ANKRD44: variants seen among roughly 807,000 people sequenced by gnomAD.
The protein encoded by ANKRD44 is serine/threonine-protein phosphatase 6 regulatory ankyrin repeat subunit B.
In ANKRD44, 35 loss-of-function variants were observed where a neutral mutation model predicts 116.0. That is an observed-to-expected ratio of 0.30 (90% confidence interval 0.23 to 0.40). The LOEUF is 0.40. Ranked by LOEUF, ANKRD44 falls within the 10% of genes least tolerant of loss-of-function variation. The probability of loss-of-function intolerance (pLI) is 1.00; values close to 1 mark genes in which losing one functional copy is unlikely to be tolerated. For synonymous variants in ANKRD44, 435 were observed against 461.8 expected (o/e 0.94, Z 0.74); for missense variants, 1,014 against 1,242.6 (o/e 0.82, Z 2.77).
rs1439911891 is a variant in ANKRD44, at chr2:197,158,493, G to A, written c.112-11388C>T. On this transcript the variant is annotated intron_variant, in intron 2 of 27. Transcript: ENST00000282272. ...TTAAACAAACATAGATTAATGAGAG[G>A]CAGATAACTAAAAGAATAACATAAT... Among the ~76,000 whole-genome samples the A allele has an allele frequency of 2.6e-5, 4 of 152,118 alleles. No homozygotes were observed. The East Asian group carries it at 7.7e-4, about 29-fold the overall frequency.
Position 196,987,866 on chromosome 2 carries a change from G to A in ANKRD44, c.*1725C>T. 1 of 981,904 alleles carries A rather than the reference G, an allele frequency of 1.0e-6. No individual in the cohort carries two copies. Among genetic ancestry groups the A allele is most frequent in the Non-Finnish European group, 1.2e-6 (1 of 826,870 alleles). The allele number at this position is 981,904 out of a possible 1,614,324, so 60.8% of individuals were successfully genotyped here. A position where few individuals can be genotyped will look rare whatever the true frequency, so the allele number is the denominator to read the frequency against. ...TTTTTTTTTCTTAGAAAGCTATGGT[G>A]CAAACATAATTTTATTTCTAAGAGA... On this transcript the variant is annotated 3_prime_UTR_variant, in exon 28 of 28. Transcript: ENST00000282272.
intron 2 of ANKRD44, among the ~76,000 whole-genome samples, chr2:197,150,959 C>T (rs2079631424): frequency 6.6e-6 from 1 of 152,120 alleles, no homozygotes; most frequent in Non-Finnish European, 1.5e-5. Flanking sequence ...CAAAGAGATG[C>T]CTTGTCCCGG....
At chr2:197,259,980 T>C (rs1275664329) in intron 1 of ANKRD44, among the ~76,000 whole-genome samples, 1 of 152,192 alleles carries the variant, frequency 6.6e-6, no homozygotes, top group Non-Finnish European at 1.5e-5. Flanking sequence ...CAGGCTATAC[T>C]ATCTTATATG....
chr2:197,139,785 T>G (rs2079312171), intron 3 of ANKRD44, among the ~76,000 whole-genome samples: 1 of 151,682 alleles, frequency 6.6e-6, no homozygotes, highest in South Asian at 2.1e-4. Flanking sequence ...TCAAGAAAGC[T>G]AGTGCATTTG....
At chr2:197,138,826 T>C (rs945068224) in intron 3 of ANKRD44, among the ~76,000 whole-genome samples, 4 of 152,220 alleles carry the variant, frequency 2.6e-5, no homozygotes, top group African/African-American at 9.7e-5. Flanking sequence ...GCTGGAATTA[T>C]TTTTATTATA....
At chr2:197,134,579 G>A (rs2079172758) in intron 4 of ANKRD44, 1 of 152,170 alleles carries the variant, frequency 6.6e-6, no homozygotes. Flanking sequence ...AGCTAGTTGA[G>A]CTAACAAAGA....
intron 2 of ANKRD44, among the ~76,000 whole-genome samples, chr2:197,174,543 G>A (rs973565631): frequency 6.6e-6 from 1 of 152,212 alleles, no homozygotes; most frequent in African/African-American, 2.4e-5. Flanking sequence ...GTATATATGT[G>A]CACATAAAGG....
At chr2:197,046,201 T>C (rs945262663) in intron 16 of ANKRD44, among the ~76,000 whole-genome samples, 2 of 152,186 alleles carry the variant, frequency 1.3e-5, no homozygotes, top group Admixed American at 6.5e-5. Flanking sequence ...GTCCCCTTTT[T>C]GGTATTATTA....
chr2:197,045,887 T>C (rs909673252), intron 16 of ANKRD44, among the ~76,000 whole-genome samples: 7 of 152,158 alleles, frequency 4.6e-5, no homozygotes, highest in South Asian at 2.1e-4. Flanking sequence ...TTGTAAACTG[T>C]CTTTAAAATA....
At chr2:197,026,497 T>A (rs915012408) in intron 16 of ANKRD44, among the ~76,000 whole-genome samples, 2 of 152,214 alleles carry the variant, frequency 1.3e-5, no homozygotes, top group African/African-American at 4.8e-5. Flanking sequence ...GGCCAACAGC[T>A]GCCAAGACCC....
intron 1 of ANKRD44, among the ~76,000 whole-genome samples, chr2:197,259,475 CTT>C (rs1256281546): frequency 1.3e-5 from 2 of 152,188 alleles, no homozygotes; most frequent in African/African-American, 4.8e-5. Flanking sequence ...CTAGGTTCCT[CTT>C]GTCTAGCCCA....
In ANKRD44 at chr2:197,000,275, T is replaced by C. The variant is rs924278011; in HGVS notation, c.2519+144A>G. On this transcript the variant is annotated intron_variant, in intron 23 of 27. Coordinates refer to ENST00000282272, the MANE Select transcript of ANKRD44 (RefSeq NM_001195144.2). ...TTCTAGGCTTAGAGGGAAATTTATTTTAATTATACACCCTCTGTAATATTA... is the reference window on the plus strand; with the variant it reads ...TTCTAGGCTTAGAGGGAAATTTATTCTAATTATACACCCTCTGTAATATTA... The C allele has an allele frequency of 6.2e-6, 4 of 647,870 alleles. No homozygotes were observed. The Admixed American group carries it at 1.2e-4, about 20-fold the overall frequency. 40.1% of individuals were successfully genotyped at this position (647,870 alleles called of 1,614,324 possible).
chr2:197,012,542 CG>C (rs1047190187), intron 18 of ANKRD44, among the ~76,000 whole-genome samples: 12 of 150,394 alleles, frequency 8.0e-5, no homozygotes, highest in South Asian at 6.3e-4. Context: ...TTATGGCTAA[CG>C]TTTTTTTTTT....
In ANKRD44 at chr2:196,987,505, A is replaced by G. The variant is rs994871680; in HGVS notation, c.*2086T>C. ...ACATATAAGCACACCAAGTTGCTCA[A>G]CAGTACAAAGAATAACTAGTGCAGC... On this transcript the variant is annotated 3_prime_UTR_variant, in exon 28 of 28. Coordinates refer to ENST00000282272, the MANE Select transcript of ANKRD44 (RefSeq NM_001195144.2). The G allele has an allele frequency of 2.0e-6, 2 of 985,410 alleles. No individual in the cohort carries two copies. The highest frequency in any genetic ancestry group is 3.5e-5 in the African/African-American group (2 of 57,372). The allele number at this position is 985,410 out of a possible 1,614,324, so 61.0% of individuals were successfully genotyped here.
At chr2:197,070,547 G>A (rs1574398282) in intron 16 of ANKRD44, among the ~76,000 whole-genome samples, 1 of 152,234 alleles carries the variant, frequency 6.6e-6, no homozygotes, top group East Asian at 1.9e-4. Flanking sequence ...GAATTACACT[G>A]ACTGATTTTC....
intron 16 of ANKRD44, among the ~76,000 whole-genome samples, chr2:197,034,096 T>C (rs747489229): frequency 2.1e-4 from 10 of 46,632 alleles, no homozygotes; most frequent in Non-Finnish European, 4.7e-4. Flanking sequence ...GCTCATACTA[T>C]GCCTTGCTAT....
At chr2:197,241,837 G>T (rs1238476870) in intron 1 of ANKRD44, among the ~76,000 whole-genome samples, 2 of 151,996 alleles carry the variant, frequency 1.3e-5, no homozygotes, top group African/African-American at 4.8e-5. Flanking sequence ...AAGAGGAAAA[G>T]AAACTCTTTA....
chr2:197,001,535 G>A (rs1207548658), intron 22 of ANKRD44, among the ~76,000 whole-genome samples: 1 of 152,182 alleles, frequency 6.6e-6, no homozygotes, highest in African/African-American at 2.4e-5. Context: ...GATTTCCCGA[G>A]GGTGGCATCT....
At position 196,986,955 on chromosome 2, in the gene ANKRD44, A is replaced by C. The variant is rs2075844112; in HGVS notation, c.*2636T>G. On this transcript the variant is annotated 3_prime_UTR_variant, in exon 28 of 28. Transcript: ENST00000282272. ...ATCAAACAATATTTTATGCTGTTAC[A>C]AATATGTTATGCAAAATATAACACT... 1 of 985,330 alleles carries C rather than the reference A, an allele frequency of 1.0e-6. No individual in the cohort carries two copies. The highest frequency in any genetic ancestry group is 1.7e-5 in the African/African-American group (1 of 57,260). 61.0% of individuals were successfully genotyped at this position (985,330 alleles called of 1,614,324 possible). A position where few individuals can be genotyped will look rare whatever the true frequency, so the allele number is the denominator to read the frequency against.
Sources: gnomAD v4.1 joint callset for allele counts (sites outside exome capture counted in the v4.1 genomes callset) on GRCh38, gnomAD v4.1.1 for gene constraint, MANE v1.5 for transcripts, NCBI Gene and HGNC (gene_info 2026-07-23, HGNC 2026-07-21) for gene names.